FBXL2: variants seen among roughly 807,000 people sequenced by gnomAD.
FBXL2 encodes the protein F-box and leucine rich repeat protein 2.
In FBXL2, 38 loss-of-function variants were observed where a neutral mutation model predicts 69.2. The observed-to-expected ratio is 0.55, with a 90% CI of 0.42 to 0.72. The LOEUF (loss-of-function observed/expected upper bound fraction) is 0.72, where lower values mean the gene tolerates loss of function less well. Ranked by LOEUF, FBXL2 falls within the 30% of genes least tolerant of loss-of-function variation. The pLI is 0.00. For missense variants in FBXL2, 354 were observed against 520.3 expected (o/e 0.68, Z 3.11); for synonymous variants, 192 against 201.3 (o/e 0.95, Z 0.39).
At chr3:33,381,133 T>C (rs1320928079) in intron 13 of FBXL2, among the ~76,000 whole-genome samples, 1 of 152,096 alleles carries the variant, frequency 6.6e-6, no homozygotes, top group East Asian at 2.0e-4. Context: ...AATCAGTTTT[T>C]AAAAATTTCT....
downstream of FBXL2, among the ~76,000 whole-genome samples, chr3:33,406,711 C>T (rs917278123): frequency 2.6e-5 from 4 of 152,212 alleles, no homozygotes; most frequent in Non-Finnish European, 5.9e-5. Flanking sequence ...GAATTCATAA[C>T]GGCGCTAGCA....
chr3:33,399,761 C>T (rs565888171), intron 12 of FBXL2, among the ~76,000 whole-genome samples: 1 of 152,166 alleles, frequency 6.6e-6, no homozygotes, highest in Non-Finnish European at 1.5e-5. Flanking sequence ...TATACCATAA[C>T]ATACGTTGTG....
At chr3:33,358,269 C>T (rs2041355355) in intron 2 of FBXL2, among the ~76,000 whole-genome samples, 1 of 152,208 alleles carries the variant, frequency 6.6e-6, no homozygotes, top group African/African-American at 2.4e-5. Context: ...CTGAGGCGCA[C>T]ACGGCTGTTT....
chr3:33,401,304 A>C (rs1265023113), intron 12 of FBXL2, among the ~76,000 whole-genome samples: 1 of 152,248 alleles, frequency 6.6e-6, no homozygotes, highest in Non-Finnish European at 1.5e-5. Context: ...ATCTTCAGGG[A>C]TGCCAAGGAA....
intron 2 of FBXL2, among the ~76,000 whole-genome samples, chr3:33,299,648 C>G (rs1440598036): frequency 2.0e-5 from 3 of 152,080 alleles, no homozygotes; most frequent in Non-Finnish European, 1.5e-5. Flanking sequence ...TCAGGGACTT[C>G]AGAGGGTGTT....
At chr3:33,314,923 C>T (rs1337872903) in intron 2 of FBXL2, among the ~76,000 whole-genome samples, 1 of 152,182 alleles carries the variant, frequency 6.6e-6, no homozygotes, top group Admixed American at 6.5e-5. Flanking sequence ...GTACCCTTGT[C>T]TGAATTACCA....
At chr3:33,396,238 C>T in intron 12 of FBXL2, 1 of 1,591,368 alleles carries the variant, frequency 6.3e-7, no homozygotes, top group Non-Finnish European at 8.6e-7. Context: ...TGCTGCTTGG[C>T]TGCTCCCGGC....
intron 5 of FBXL2, among the ~76,000 whole-genome samples, chr3:33,365,385 T>G (rs2041889891): frequency 6.6e-6 from 1 of 151,964 alleles, no homozygotes; most frequent in South Asian, 2.1e-4. Context: ...GTTCAAGTGA[T>G]TCTCCTGCCT....
Position 33,358,337 on chromosome 3 carries a change from C to T in FBXL2, c.66-630C>T, listed in dbSNP as rs1317657832. ...TGACTGCCAGAATGTCGAGGCTTCA[C>T]TCAGTCCCCTGCCATGCTGGCAGCT... On this transcript the variant is annotated intron_variant, in intron 2 of 14. Transcript: ENST00000484457. Among the ~76,000 whole-genome samples the T allele has an allele frequency of 3.3e-5, 5 of 152,256 alleles. No individual in the cohort carries two copies. In the East Asian group the frequency reaches 5.8e-4, roughly 18 times the overall value.
the FBXL2 span, among the ~76,000 whole-genome samples, chr3:33,422,316 G>C: frequency 3.9e-5 from 6 of 152,096 alleles, no homozygotes; most frequent in Non-Finnish European, 7.3e-5. Context: ...TGAGGCAGGA[G>C]GACTGCTTGA....
intron 12 of FBXL2, among the ~76,000 whole-genome samples, chr3:33,393,674 ATATAATT>A (rs1241735062): frequency 6.6e-6 from 1 of 152,228 alleles, no homozygotes; most frequent in Non-Finnish European, 1.5e-5. Context: ...ATATCCACAA[ATATAATT>A]TAATAAACAT....
At chr3:33,282,198 T>A (rs2034089376) in intron 1 of FBXL2, among the ~76,000 whole-genome samples, 1 of 152,226 alleles carries the variant, frequency 6.6e-6, no homozygotes, top group Non-Finnish European at 1.5e-5. Context: ...TTTAAGTCTT[T>A]AATCCATCTT....
At chr3:33,390,597 C>A (rs967439063), downstream of FBXL2, 30 of 580,888 alleles carry the variant, frequency 5.2e-5, no homozygotes, top group Non-Finnish European at 7.7e-5. Context: ...CTATCAACGC[C>A]CGCATTCCAA....
chr3:33,284,547 A>G (rs2034394478), intron 1 of FBXL2, among the ~76,000 whole-genome samples: 1 of 152,234 alleles, frequency 6.6e-6, no homozygotes, highest in African/African-American at 2.4e-5. Flanking sequence ...AGAGTTCTGT[A>G]GATGTCTATT....
intron 12 of FBXL2, among the ~76,000 whole-genome samples, chr3:33,393,736 TTCA>T (rs2043859094): frequency 6.6e-6 from 1 of 152,208 alleles, no homozygotes; most frequent in Non-Finnish European, 1.5e-5. Context: ...TGAATTTTTC[TTCA>T]TATTTTTATT....
the FBXL2 span, among the ~76,000 whole-genome samples, chr3:33,412,362 T>TATAC: frequency 6.6e-6 from 1 of 151,926 alleles, no homozygotes; most frequent in South Asian, 2.1e-4. Flanking sequence ...AAATAATGTA[T>TATAC]ATACATACAT....
intron 1 of FBXL2, among the ~76,000 whole-genome samples, chr3:33,281,332 A>G (rs977817721): frequency 1.3e-5 from 2 of 152,000 alleles, no homozygotes; most frequent in African/African-American, 4.8e-5. Context: ...GCCCAGAATG[A>G]TGGTTTCTGG....
intron 12 of FBXL2, among the ~76,000 whole-genome samples, chr3:33,394,814 CTTG>C (rs1178353095): frequency 1.5e-4 from 18 of 122,112 alleles, no homozygotes; most frequent in Admixed American, 4.5e-4. Flanking sequence ...CTGCCCTCCA[CTTG>C]TTTTTTTTTT....
intron 12 of FBXL2, among the ~76,000 whole-genome samples, chr3:33,401,565 A>G (rs2044229923): frequency 6.6e-6 from 1 of 152,172 alleles, no homozygotes; most frequent in Admixed American, 6.5e-5. Flanking sequence ...GAAATGAAAA[A>G]CAGCTCCACA....
Sources: allele counts gnomAD v4.1 joint callset (sites outside exome capture counted in the v4.1 genomes callset), GRCh38; gene constraint gnomAD v4.1.1; transcripts MANE v1.5; gene names NCBI Gene and HGNC (gene_info 2026-07-23, HGNC 2026-07-21).